ROCK2: variants seen among roughly 807,000 people sequenced by gnomAD.
The protein encoded by ROCK2 is Rho associated coiled-coil containing protein kinase 2.
A neutral mutation model predicts 195.1 loss-of-function variants in ROCK2; 61 were observed. The observed-to-expected ratio is 0.31, with a 90% CI of 0.25 to 0.39. The LOEUF (loss-of-function observed/expected upper bound fraction) is 0.39. ROCK2 is among the 10% of genes least tolerant of loss of function. The pLI, the probability that ROCK2 is intolerant of heterozygous loss-of-function variation, is 1.00. For synonymous variants in ROCK2, 504 were observed against 545.5 expected, an observed-to-expected ratio of 0.92 and a Z score of 1.06; for missense variants, 1,109 against 1,637.4, an observed-to-expected ratio of 0.68 and a Z score of 5.57.
In ROCK2 at chr2:11,201,257, T is replaced by TA. The variant is rs1321551464; in HGVS notation, c.2723+52dup. 2.0e-5 allele frequency: 31 copies of TA among 1,522,426 alleles called. No individual in the cohort carries two copies. The highest frequency in any genetic ancestry group is 2.7e-5 in the Non-Finnish European group (30 of 1,104,768). The allele number at this position is 1,522,426 out of a possible 1,614,324, so 94.3% of individuals were successfully genotyped here. On this transcript the variant is annotated intron_variant, in intron 22 of 32. Transcript: ENST00000315872. The surrounding 1 kb of genome is among the most constrained non-coding windows in gnomAD (Gnocchi z 4.6). ...ATTTGGTGATTACCAGGCATTGTTC[T>TA]AGGAGCAAAGTATACAGCTATGAAC...
chr2:11,313,894 T>G (rs1282315817), intron 1 of ROCK2, among the ~76,000 whole-genome samples: 1 of 151,940 alleles, frequency 6.6e-6, no homozygotes, highest in Non-Finnish European at 1.5e-5. Flanking sequence ...ATATAAATTT[T>G]TACTTTGTCC....
At chr2:11,198,350 G>C (rs1454216666) in intron 25 of ROCK2, 141 bp downstream of exon 25, 2 of 587,280 alleles carry the variant, frequency 3.4e-6, no homozygotes, top group African/African-American at 3.8e-5. Context: ...TCTCAACCTG[G>C]CAAAAATCAG....
intron 1 of ROCK2, among the ~76,000 whole-genome samples, chr2:11,332,141 TA>T (rs56733434): frequency 6.9e-6 from 1 of 145,786 alleles, no homozygotes; most frequent in Admixed American, 6.8e-5. Flanking sequence ...CCCCATCTCT[TA>T]AAAAAAAAAC....
At chr2:11,248,426 G>C (rs1334947294) in intron 4 of ROCK2, among the ~76,000 whole-genome samples, 2 of 151,924 alleles carry the variant, frequency 1.3e-5, no homozygotes, top group East Asian at 3.9e-4. Context: ...CGAAGGCAAA[G>C]GCCAGGTGCG....
At chr2:11,252,319 G>A (rs552653655) in intron 3 of ROCK2, among the ~76,000 whole-genome samples, 2 of 151,916 alleles carry the variant, frequency 1.3e-5, no homozygotes, top group South Asian at 2.1e-4. Context: ...ACTGAGGCAG[G>A]AGAATGGCTT....
chr2:11,205,496 TAG>T (rs551372575), intron 20 of ROCK2, among the ~76,000 whole-genome samples: 10 of 152,284 alleles, frequency 6.6e-5, no homozygotes, highest in Admixed American at 6.5e-4. Flanking sequence ...ATTCCTTTAC[TAG>T]AGTTTTTCTG....
chr2:11,303,250 T>C (rs531032020), intron 1 of ROCK2, among the ~76,000 whole-genome samples: 10 of 152,314 alleles, frequency 6.6e-5, no homozygotes, highest in African/African-American at 2.4e-4. Context: ...AAGATGTCAC[T>C]TTGTCCTTAT....
intron 3 of ROCK2, 119 bp from the exon 4 acceptor site, chr2:11,249,917 T>C (rs1057385027): frequency 1.1e-5 from 8 of 725,804 alleles, no homozygotes; most frequent in Non-Finnish European, 8.1e-6. Context: ...CCTTAGCTAA[T>C]AAAAAGTAAA....
In ROCK2 at chr2:11,201,168, TA is replaced by T. The variant is rs773315596; in HGVS notation, c.2724-26del. ...CCTACATTTTAGCAATATATCATTT[TA>T]ATGGTTCAGTTTTCACTATGAAGTG... On this transcript the variant is annotated intron_variant, in intron 22 of 32. Coordinates refer to ENST00000315872, the MANE Select transcript of ROCK2 (RefSeq NM_004850.5). The surrounding 1 kb of genome is among the most constrained non-coding windows in gnomAD (Gnocchi z 4.6). 1 of 1,581,022 alleles carries T rather than the reference TA, an allele frequency of 6.3e-7. No homozygotes were observed.
At chr2:11,266,411 G>A (rs1368260633) in intron 3 of ROCK2, among the ~76,000 whole-genome samples, 2 of 152,158 alleles carry the variant, frequency 1.3e-5, no homozygotes, top group East Asian at 1.9e-4. Context: ...TGACATATAT[G>A]CAGTCTATCA....
At chr2:11,275,160 G>C (rs1284050171) in intron 3 of ROCK2, among the ~76,000 whole-genome samples, 1 of 152,042 alleles carries the variant, frequency 6.6e-6, no homozygotes. Context: ...GGGAGGCTAA[G>C]GCAGGAGAAT....
At chr2:11,215,163 C>T in intron 15 of ROCK2, 77 bp from the exon 16 acceptor site, 2 of 1,543,390 alleles carry the variant, frequency 1.3e-6, no homozygotes, top group Admixed American at 2.1e-5. Flanking sequence ...TGTATTCCCC[C>T]ATTAGAAACT....
intron 1 of ROCK2, among the ~76,000 whole-genome samples, chr2:11,317,612 A>ATATATATATTTT (rs59701503): frequency 1.6e-4 from 3 of 19,300 alleles, no homozygotes; most frequent in Admixed American, 8.8e-4. Flanking sequence ...ATATATATAT[A>ATATATATATTTT]TTTTTTTTTT....
chr2:11,238,245 T>TGTGTGTGTGTGTGTGTGTGTGTGTGTGTC (rs11377542), intron 4 of ROCK2, among the ~76,000 whole-genome samples: 76 of 38,420 alleles, frequency 2.0e-3, no homozygotes, highest in African/African-American at 5.3e-3. Flanking sequence ...TGTGTGTCTG[T>TGTGTGTGTGTGTGTGTGTGTGTGTGTGTC]TGTGTGTGTC....
chr2:11,308,701 G>A (rs1667940535), intron 1 of ROCK2: 2 of 1,594,230 alleles, frequency 1.3e-6, no homozygotes, highest in South Asian at 2.2e-5. Context: ...TTGAGCTCCA[G>A]AAGCATGTTG....
intron 1 of ROCK2, among the ~76,000 whole-genome samples, chr2:11,327,614 G>A (rs1008524347): frequency 2.6e-5 from 4 of 152,196 alleles, no homozygotes; most frequent in African/African-American, 9.7e-5. Flanking sequence ...CCAGGCTAGA[G>A]TGCAATGGTA....
intron 20 of ROCK2, among the ~76,000 whole-genome samples, chr2:11,205,765 T>C (rs1664027969): frequency 6.6e-6 from 1 of 152,168 alleles, no homozygotes; most frequent in Admixed American, 6.5e-5. Context: ...AAGAGGGATG[T>C]AATCATTCAT....
chr2:11,336,116 T>C (rs1211468924), intron 1 of ROCK2, among the ~76,000 whole-genome samples: 1 of 152,166 alleles, frequency 6.6e-6, no homozygotes, highest in African/African-American at 2.4e-5. Context: ...CTCCCTAAAT[T>C]TTCTACAACG....
At chr2:11,259,741 TAA>T (rs1345174122) in intron 3 of ROCK2, among the ~76,000 whole-genome samples, 2 of 151,466 alleles carry the variant, frequency 1.3e-5, no homozygotes, top group Non-Finnish European at 2.9e-5. Flanking sequence ...ATTTTATCTT[TAA>T]AATATACTTT....
Sources: gnomAD v4.1 joint callset for allele counts (sites outside exome capture counted in the v4.1 genomes callset) on GRCh38, gnomAD v4.1.1 for gene constraint, Gnocchi (gnomAD v3.1) non-coding constraint, MANE v1.5 for transcripts, NCBI Gene and HGNC (gene_info 2026-07-23, HGNC 2026-07-21) for gene names.